Variants in RGS10 observed in about 807,000 individuals in gnomAD.
RGS10 encodes the protein regulator of G protein signaling 10, also known as regulator of G-protein signalling 10.
In RGS10, 11 loss-of-function variants were observed where a neutral mutation model predicts 23.5. The observed-to-expected ratio is 0.47, with a 90% CI of 0.29 to 0.77. The LOEUF is 0.77. RGS10 is among the 30% of genes least tolerant of loss of function. The pLI is 0.08. For synonymous variants in RGS10, 77 were observed against 83.2 expected, an observed-to-expected ratio of 0.92 and a Z score of 0.41; for missense variants, 180 against 226.3, an observed-to-expected ratio of 0.80 and a Z score of 1.31.
Position 119,517,423 on chromosome 10 carries a change from C to T in RGS10, c.256-1771G>A, listed in dbSNP as rs1043813234. Among the ~76,000 whole-genome samples, 5 of 152,196 alleles carry T rather than the reference C, an allele frequency of 3.3e-5. No individual in the cohort carries two copies. The highest frequency in any genetic ancestry group is 1.9e-4 in the East Asian group (1 of 5,190). ...AAGGGACAGGTCTGGGGGCCATCCT[C>T]GAGACCCAAGGGGGTGGCACTTAGG... is the stretch of plus-strand genomic sequence containing the variant. On this transcript the variant is annotated intron_variant, in intron 3 of 4. Coordinates refer to ENST00000369103, the MANE Select transcript of RGS10 (RefSeq NM_001005339.2). The surrounding 1 kb of genome is among the most constrained non-coding windows in gnomAD (Gnocchi z 5.0).
chr10:119,501,199 T>C (rs1043561380), intron 4 of RGS10, among the ~76,000 whole-genome samples: 4 of 152,190 alleles, frequency 2.6e-5, no homozygotes, highest in Non-Finnish European at 4.4e-5. Flanking sequence ...CTATGATCTC[T>C]TTCCCACCCC....
At chr10:119,515,342 T>G in intron 4 of RGS10, 167 bp downstream of exon 4, 1 of 744,266 alleles carries the variant, frequency 1.3e-6, no homozygotes, top group South Asian at 1.8e-5. Flanking sequence ...AAGCTTAGAA[T>G]TCTGGTCCCC....
chr10:119,508,872 G>A (rs1182909745), intron 4 of RGS10, among the ~76,000 whole-genome samples: 1 of 152,204 alleles, frequency 6.6e-6, no homozygotes, highest in Non-Finnish European at 1.5e-5. Flanking sequence ...CAAGGCTGGA[G>A]GATTGCTTGA....
intron 1 of RGS10, among the ~76,000 whole-genome samples, chr10:119,531,774 C>G (rs1844331416): frequency 6.6e-6 from 1 of 152,128 alleles, no homozygotes; most frequent in African/African-American, 2.4e-5. Flanking sequence ...CTCACCAGGG[C>G]CATGTCTGCA....
At chr10:119,520,710 GC>G (rs1265139853) in intron 3 of RGS10, among the ~76,000 whole-genome samples, 3 of 151,164 alleles carry the variant, frequency 2.0e-5, no homozygotes, top group Non-Finnish European at 4.4e-5. Flanking sequence ...CAGGCTTATG[GC>G]CCCCCAGGAA....
intron 3 of RGS10, among the ~76,000 whole-genome samples, chr10:119,516,741 G>A (rs193201372): frequency 7.9e-5 from 12 of 152,282 alleles, no homozygotes; most frequent in African/African-American, 2.4e-4. Flanking sequence ...ACTCACTGAT[G>A]GTAAGGAGAT....
chr10:119,500,472 C>T (rs1843940454), intron 4 of RGS10, among the ~76,000 whole-genome samples: 1 of 152,076 alleles, frequency 6.6e-6, no homozygotes, highest in African/African-American at 2.4e-5. Context: ...AATATATAGA[C>T]AGTCACATGA....
chr10:119,514,038 A>G (rs1441317113), intron 4 of RGS10, among the ~76,000 whole-genome samples: 1 of 152,270 alleles, frequency 6.6e-6, no homozygotes, highest in African/African-American at 2.4e-5. Context: ...CAAGTGTGAC[A>G]TCAGGCTCAA....
chr10:119,502,493 TG>T (rs1843963681), intron 4 of RGS10, among the ~76,000 whole-genome samples: 1 of 152,168 alleles, frequency 6.6e-6, no homozygotes, highest in African/African-American at 2.4e-5. Context: ...GTGTGAAGTC[TG>T]CATGTGGGAG....
intron 1 of RGS10, among the ~76,000 whole-genome samples, chr10:119,530,116 G>A (rs1222156412): frequency 2.0e-5 from 3 of 152,108 alleles, no homozygotes; most frequent in South Asian, 4.1e-4. Context: ...AAATAAATCA[G>A]CACAGCAAAC....
chr10:119,510,149 G>A (rs542992301), intron 4 of RGS10, among the ~76,000 whole-genome samples: 4 of 152,250 alleles, frequency 2.6e-5, no homozygotes, highest in Admixed American at 6.5e-5. Context: ...TGAGCCAAGG[G>A]GCTCAGGCTG....
intron 4 of RGS10, among the ~76,000 whole-genome samples, chr10:119,507,980 C>A (rs2133946497): frequency 6.6e-6 from 1 of 152,212 alleles, no homozygotes; most frequent in East Asian, 1.9e-4. Context: ...GGCACCCTAG[C>A]AGACGCAAAC....
chr10:119,505,270 G>A (rs1366633009), intron 4 of RGS10, among the ~76,000 whole-genome samples: 2 of 151,342 alleles, frequency 1.3e-5, no homozygotes, highest in African/African-American at 4.8e-5. Context: ...TCCAACAAAC[G>A]GCTGCTGGTG....
At chr10:119,541,481 T>C (rs73362897) in intron 1 of RGS10, among the ~76,000 whole-genome samples, 209 of 152,312 alleles carry the variant, frequency 1.4e-3, no homozygotes, top group African/African-American at 4.6e-3. Context: ...TTATTCCCAC[T>C]GTGCAGAACC....
At chr10:119,526,740 C>T (rs893956972) in intron 2 of RGS10, among the ~76,000 whole-genome samples, 1 of 152,196 alleles carries the variant, frequency 6.6e-6, no homozygotes, top group Non-Finnish European at 1.5e-5. Flanking sequence ...TCATCCTATT[C>T]CTGACCCAAG....
chr10:119,531,623 T>C (rs1288574402), intron 1 of RGS10, among the ~76,000 whole-genome samples: 1 of 152,196 alleles, frequency 6.6e-6, no homozygotes, highest in African/African-American at 2.4e-5. Context: ...ACTAATGTGG[T>C]CCAGGCCCAC....
chr10:119,517,419 T>A lies in RGS10; in HGVS notation c.256-1767A>T, dbSNP rs1381321099. Among the ~76,000 whole-genome samples, 1 of 152,062 alleles carries A rather than the reference T, an allele frequency of 6.6e-6. No homozygotes were observed. Among genetic ancestry groups the A allele is most frequent in the East Asian group, 1.9e-4 (1 of 5,184 alleles). ...ATCTAAGGGACAGGTCTGGGGGCCA[T>A]CCTCGAGACCCAAGGGGGTGGCACT... On this transcript the variant is annotated intron_variant, in intron 3 of 4. Transcript: ENST00000369103. This position sits in a 1 kb window ranked among gnomAD's most constrained non-coding sequence, Gnocchi z 5.0.
At chr10:119,542,495 A>G (rs542064156) in intron 1 of RGS10, 95 bp downstream of exon 1, 4 of 1,149,702 alleles carry the variant, frequency 3.5e-6, no homozygotes, top group Non-Finnish European at 4.5e-6. Context: ...GGGAGGTACC[A>G]CCGAGCCGCG....
intron 4 of RGS10, among the ~76,000 whole-genome samples, chr10:119,512,161 G>A (rs1232272584): frequency 6.6e-6 from 1 of 152,096 alleles, no homozygotes; most frequent in Non-Finnish European, 1.5e-5. Flanking sequence ...CGGGGGCGGC[G>A]GTGCTGAACA....
Sources: gnomAD v4.1 joint callset for allele counts (sites outside exome capture counted in the v4.1 genomes callset) on GRCh38, gnomAD v4.1.1 for gene constraint, Gnocchi (gnomAD v3.1) non-coding constraint, MANE v1.5 for transcripts, NCBI Gene and HGNC (gene_info 2026-07-23, HGNC 2026-07-21) for gene names.